The following SNX29 variants were observed in gnomAD, a reference collection of about 807,000 sequenced individuals.
SNX29 encodes sorting nexin-29.
Under a neutral mutation model 102.1 loss-of-function variants are expected in SNX29, and 78 were observed. The ratio of observed to expected loss-of-function variants is 0.76; its 90% CI spans 0.64 to 0.92. SNX29 has a LOEUF of 0.92. SNX29 is among the 40% of genes least tolerant of loss of function. The pLI, the probability that SNX29 is intolerant of heterozygous loss-of-function variation, is 0.00. For missense variants in SNX29, 1,280 were observed against 1,061.7 expected, an observed-to-expected ratio of 1.21 and a Z score of -2.86; for synonymous variants, 580 against 414.5, an observed-to-expected ratio of 1.40 and a Z score of -4.85.
chr16:12,553,974 TCCA>T (rs1294102320), intron 20 of SNX29, among the ~76,000 whole-genome samples: 3 of 152,214 alleles, frequency 2.0e-5, no homozygotes, highest in South Asian at 2.1e-4. Flanking sequence ...ACTACAGGCA[TCCA>T]CCACATTTGG....
chr16:12,487,388 G>T (rs1185892755), intron 19 of SNX29, among the ~76,000 whole-genome samples: 1 of 152,126 alleles, frequency 6.6e-6, no homozygotes, highest in Non-Finnish European at 1.5e-5. Flanking sequence ...AGACACACCG[G>T]GAACTTTGCA....
intron 12 of SNX29, among the ~76,000 whole-genome samples, chr16:12,127,963 G>T (rs993121892): frequency 1.1e-4 from 16 of 152,054 alleles, no homozygotes; most frequent in African/African-American, 3.9e-4. Context: ...GGGGGTGTGT[G>T]TTCACGTCAC....
intron 19 of SNX29, among the ~76,000 whole-genome samples, chr16:12,513,428 C>T (rs541219188): frequency 4.6e-5 from 7 of 151,960 alleles, no homozygotes; most frequent in Non-Finnish European, 8.8e-5. Context: ...TCCTCCTACC[C>T]TCTCCTCTTC....
chr16:12,074,113 C>G (rs1418237197), intron 10 of SNX29, among the ~76,000 whole-genome samples: 2 of 151,344 alleles, frequency 1.3e-5, no homozygotes, highest in Admixed American at 1.3e-4. Flanking sequence ...TGGGTCTTGA[C>G]TCTTTATCCA....
At chr16:11,978,400 G>T (rs1486460463) in intron 1 of SNX29, among the ~76,000 whole-genome samples, 4 of 152,200 alleles carry the variant, frequency 2.6e-5, no homozygotes, top group African/African-American at 9.7e-5. Flanking sequence ...GTAAGTTCTC[G>T]ACCATTCTGG....
intron 11 of SNX29, among the ~76,000 whole-genome samples, chr16:12,101,295 C>G (rs1242454757): frequency 3.1e-5 from 3 of 97,260 alleles, no homozygotes; most frequent in Admixed American, 9.6e-5. Context: ...TTGTGGCCCC[C>G]CCCAACTTTT....
rs567248042 is a variant in SNX29, at chr16:12,339,917, C to G, written c.1783-16246C>G. 2.0e-5 allele frequency among the ~76,000 whole-genome samples: 3 copies of G among 152,252 alleles called. No individual in the cohort carries two copies. The South Asian group carries it at 6.2e-4, about 32-fold the overall frequency. ...CAGTGGGGGCGTTTGGTCAGCTTCC[C>G]CAGATCACTAGGAAGAGAGGTGGTT... On this transcript the variant is annotated intron_variant, in intron 15 of 20. Coordinates refer to ENST00000566228, the MANE Select transcript of SNX29 (RefSeq NM_032167.5).
At chr16:12,549,282 G>A (rs761458572) in intron 20 of SNX29, among the ~76,000 whole-genome samples, 1 of 152,140 alleles carries the variant, frequency 6.6e-6, no homozygotes, top group South Asian at 2.1e-4. Flanking sequence ...ATCACTCAGG[G>A]TCAGAAGTTG....
At position 12,573,697 on chromosome 16, in the gene SNX29, G is replaced by C. The variant is rs553129426; in HGVS notation, c.*5068G>C. 8.9e-6 allele frequency: 2 copies of C among 223,644 alleles called. No individual in the cohort carries two copies. The highest frequency in any genetic ancestry group is 1.3e-4 in the East Asian group (2 of 15,476). The allele number at this position is 223,644 out of a possible 1,614,324, so 13.9% of individuals were successfully genotyped here. A position where few individuals can be genotyped will look rare whatever the true frequency, so the allele number is the denominator to read the frequency against. On this transcript the variant is annotated 3_prime_UTR_variant, in exon 21 of 21. Coordinates refer to ENST00000566228, the MANE Select transcript of SNX29 (RefSeq NM_032167.5). ...GACAGAGGATGCCCTTGCAAAAATT[G>C]GGACTGAGGACAGTAGCACACGGAA...
intron 20 of SNX29, among the ~76,000 whole-genome samples, chr16:12,560,303 A>C (rs1373528711): frequency 2.6e-5 from 4 of 152,168 alleles, no homozygotes; most frequent in Non-Finnish European, 4.4e-5. Flanking sequence ...AAGCACACTC[A>C]AAATGTCATG....
At chr16:12,514,098 A>T (rs193244338) in intron 19 of SNX29, among the ~76,000 whole-genome samples, 16 of 152,290 alleles carry the variant, frequency 1.1e-4, no homozygotes, top group African/African-American at 3.8e-4. Context: ...TGTGGTTTTG[A>T]TGAGTTCCAC....
At chr16:12,444,832 G>GTT (rs1373696513) in intron 18 of SNX29, among the ~76,000 whole-genome samples, 25 of 75,292 alleles carry the variant, frequency 3.3e-4, no homozygotes, top group South Asian at 5.8e-4. Context: ...CCTCGACAGT[G>GTT]TTTTTTTTTG....
chr16:12,568,623 C>A lies in SNX29; in HGVS notation c.2436C>A (p.Asp812Glu). 2 of 1,603,192 alleles carry A rather than the reference C, an allele frequency of 1.2e-6. No homozygotes were observed. Among genetic ancestry groups the A allele is most frequent in the Non-Finnish European group, 1.7e-6 (2 of 1,179,794 alleles). ...GCAACGTGGAGCCCCAGAGCGGTGA[C>A]CTCTGACCTCGACAAAACCGCAGCC... The part of the protein sequence containing the change: ...ETRNVEPQSG[D>E]L Residue 812 changes from aspartate (D) to glutamate (E), a missense_variant, in exon 21 of 21, where the codon GAC becomes GAA. Transcript: ENST00000566228.
chr16:12,538,828 G>A (rs1271648480), intron 20 of SNX29, among the ~76,000 whole-genome samples: 2 of 152,190 alleles, frequency 1.3e-5, no homozygotes, highest in South Asian at 2.1e-4. Context: ...GGAGGGCACT[G>A]CAAAGTCACG....
intron 13 of SNX29, among the ~76,000 whole-genome samples, chr16:12,170,916 G>T (rs888647344): frequency 6.6e-6 from 1 of 151,964 alleles, no homozygotes; most frequent in Non-Finnish European, 1.5e-5. Context: ...CCTGATGGCT[G>T]GAGAGAGAGC....
chr16:12,356,040 C>T lies in SNX29; in HGVS notation c.1783-123C>T, dbSNP rs935126343. On this transcript the variant is annotated intron_variant, in intron 15 of 20. Transcript: ENST00000566228. ...TCACAGGTAAGCAGTGTCATTGACT[C>T]CAGCCCCAACAGCCTACAGATGTTT... The T allele has an allele frequency of 4.9e-6, 4 of 814,144 alleles. No individual in the cohort carries two copies. In the Admixed American group the frequency reaches 8.5e-5, roughly 17 times the overall value. The allele number at this position is 814,144 out of a possible 1,614,324, so 50.4% of individuals were successfully genotyped here. A position where few individuals can be genotyped will look rare whatever the true frequency, so the allele number is the denominator to read the frequency against.
At chr16:12,555,564 C>T (rs2078283203) in intron 20 of SNX29, among the ~76,000 whole-genome samples, 1 of 151,710 alleles carries the variant, frequency 6.6e-6, no homozygotes, top group African/African-American at 2.4e-5. Flanking sequence ...TGAGCACCCT[C>T]ATCTCTCACC....
At chr16:12,194,814 A>G (rs1367819728) in intron 13 of SNX29, among the ~76,000 whole-genome samples, 2 of 151,772 alleles carry the variant, frequency 1.3e-5, no homozygotes, top group Non-Finnish European at 2.9e-5. Context: ...TTTAGTAGAG[A>G]TGGGGTTTCA....
At chr16:12,289,797 G>A (rs911797149) in intron 15 of SNX29, among the ~76,000 whole-genome samples, 1 of 152,050 alleles carries the variant, frequency 6.6e-6, no homozygotes, top group African/African-American at 2.4e-5. Flanking sequence ...GCGGGAAGTG[G>A]CTTCAAGAAG....
Sources: gnomAD v4.1 joint callset for allele counts (sites outside exome capture counted in the v4.1 genomes callset) on GRCh38, gnomAD v4.1.1 for gene constraint, MANE v1.5 for transcripts, NCBI Gene and HGNC (gene_info 2026-07-23, HGNC 2026-07-21) for gene names.